The following WWC2 variants were observed in gnomAD, a reference collection of about 807,000 sequenced individuals.
WWC2 encodes WW and C2 domain containing 2.
Under a neutral mutation model 138.5 loss-of-function variants are expected in WWC2, and 101 were observed. The observed-to-expected ratio is 0.73, with a 90% CI of 0.62 to 0.86. The LOEUF is 0.86. Among genes scored for constraint, WWC2 ranks in the 40% least tolerant of loss-of-function variants. The pLI, the probability that WWC2 is intolerant of heterozygous loss-of-function variation, is 0.00. For missense variants in WWC2, 1,420 were observed against 1,419.4 expected, an observed-to-expected ratio of 1.00 and a Z score of -0.01; for synonymous variants, 558 against 538.4, an observed-to-expected ratio of 1.04 and a Z score of -0.50.
At chr4:183,180,577 C>G (rs992360405) in intron 1 of WWC2, among the ~76,000 whole-genome samples, 1 of 151,598 alleles carries the variant, frequency 6.6e-6, no homozygotes, top group Non-Finnish European at 1.5e-5. Context: ...GAAGTGGAAA[C>G]AATCCATATA....
chr4:183,122,186 A>G (rs1223124113), intron 1 of WWC2, among the ~76,000 whole-genome samples: 1 of 152,206 alleles, frequency 6.6e-6, no homozygotes, highest in Non-Finnish European at 1.5e-5. Flanking sequence ...TTATTTATGT[A>G]TTAGGCAAAT....
intron 8 of WWC2, among the ~76,000 whole-genome samples, chr4:183,252,505 C>A (rs532353139): frequency 3.2e-4 from 48 of 152,296 alleles, no homozygotes; most frequent in Non-Finnish European, 6.2e-4. Context: ...AAGCTCTAGA[C>A]ATAAGAGAAA....
At chr4:183,142,454 G>A (rs1467374451) in intron 1 of WWC2, among the ~76,000 whole-genome samples, 1 of 152,104 alleles carries the variant, frequency 6.6e-6, no homozygotes, top group African/African-American at 2.4e-5. Context: ...ATGGAGTAAT[G>A]GGTTGCTGAG....
At chr4:183,305,566 C>G (rs1308743064) in intron 21 of WWC2, among the ~76,000 whole-genome samples, 1 of 152,120 alleles carries the variant, frequency 6.6e-6, no homozygotes, top group Non-Finnish European at 1.5e-5. Flanking sequence ...ATATGTGACT[C>G]TTCCTGAGAA....
At chr4:183,167,746 G>A (rs778093120) in intron 1 of WWC2, among the ~76,000 whole-genome samples, 3 of 152,144 alleles carry the variant, frequency 2.0e-5, no homozygotes, top group Non-Finnish European at 4.4e-5. Flanking sequence ...TTGGGAACAG[G>A]AAAGGGAATC....
chr4:183,156,487 A>G (rs1733808526), intron 1 of WWC2, among the ~76,000 whole-genome samples: 2 of 151,944 alleles, frequency 1.3e-5, no homozygotes, highest in Admixed American at 6.6e-5. Flanking sequence ...ATATGCCACC[A>G]TGCCTGGCTA....
intron 4 of WWC2, among the ~76,000 whole-genome samples, chr4:183,214,350 G>C (rs552178275): frequency 6.6e-6 from 1 of 152,282 alleles, no homozygotes; most frequent in Admixed American, 6.5e-5. Context: ...TTAGCTATTT[G>C]TAATCTTGGA....
intron 17 of WWC2, 155 bp from the exon 18 acceptor site, chr4:183,282,552 TA>T (rs112895410): frequency 5.5e-6 from 4 of 723,208 alleles, no homozygotes; most frequent in African/African-American, 1.8e-5. Context: ...AGGATTTTTT[TA>T]AATGAGACAT....
At chr4:183,172,228 G>C (rs1272614997) in intron 1 of WWC2, among the ~76,000 whole-genome samples, 1 of 152,152 alleles carries the variant, frequency 6.6e-6, no homozygotes, top group Admixed American at 6.5e-5. Flanking sequence ...GCTGCACACT[G>C]TCATCCTATG....
chr4:183,101,827 G>T (rs751464112), intron 1 of WWC2, among the ~76,000 whole-genome samples: 3 of 152,040 alleles, frequency 2.0e-5, no homozygotes, highest in Non-Finnish European at 4.4e-5. Flanking sequence ...ATATACTATG[G>T]GTCTGCAGTA....
At chr4:183,229,881 A>C (rs1165981869) in intron 4 of WWC2, among the ~76,000 whole-genome samples, 4 of 152,028 alleles carry the variant, frequency 2.6e-5, no homozygotes, top group African/African-American at 7.3e-5. Flanking sequence ...GCTGGAGTGC[A>C]GCGGCTCAAT....
In WWC2 at chr4:183,239,154, A is replaced by G. The variant is rs538592749; in HGVS notation, c.523-1029A>G. On this transcript the variant is annotated intron_variant, in intron 4 of 22. Transcript: ENST00000403733. ...ACATGGTCAAACCCCATCTCTACTA[A>G]AAACACAAAAACTAGCCAGGCGTGG... Among the ~76,000 whole-genome samples, 152 of 152,208 alleles carry G rather than the reference A, an allele frequency of 1.0e-3. 2 individuals carry two copies. Among genetic ancestry groups the G allele is most frequent in the African/African-American group, 3.5e-3 (147 of 41,534 alleles).
chr4:183,212,246 C>T (rs773066332), intron 4 of WWC2, among the ~76,000 whole-genome samples: 5 of 152,076 alleles, frequency 3.3e-5, no homozygotes, highest in South Asian at 2.1e-4. Context: ...AAAGGTTTGT[C>T]TACACTTACT....
intron 16 of WWC2, among the ~76,000 whole-genome samples, chr4:183,279,011 CTG>C (rs1466875333): frequency 2.0e-5 from 3 of 151,876 alleles, no homozygotes; most frequent in African/African-American, 4.8e-5. Context: ...ACTTCCAACA[CTG>C]TGTTGAATAG....
intron 4 of WWC2, among the ~76,000 whole-genome samples, chr4:183,230,777 C>T (rs1322106508): frequency 1.3e-5 from 2 of 151,674 alleles, no homozygotes; most frequent in Non-Finnish European, 2.9e-5. Flanking sequence ...ACATATCTCT[C>T]AGCATTGACT....
chr4:183,296,292 T>C (rs375168192), intron 21 of WWC2, among the ~76,000 whole-genome samples: 3 of 152,220 alleles, frequency 2.0e-5, no homozygotes, highest in East Asian at 1.9e-4. Context: ...GGCACCCACA[T>C]GGCAGTACTC....
At chr4:183,292,060 G>C (rs892946954) in intron 21 of WWC2, among the ~76,000 whole-genome samples, 2 of 151,224 alleles carry the variant, frequency 1.3e-5, no homozygotes, top group Non-Finnish European at 2.9e-5. Context: ...ACTAGGCATG[G>C]TGGCATGCAC....
intron 22 of WWC2, among the ~76,000 whole-genome samples, chr4:183,312,822 C>A (rs1169349162): frequency 6.6e-6 from 1 of 152,174 alleles, no homozygotes; most frequent in Admixed American, 6.5e-5. Context: ...GCCCCAGAAA[C>A]CTTACACCTT....
intron 1 of WWC2, among the ~76,000 whole-genome samples, chr4:183,120,816 G>T (rs1472485593): frequency 6.6e-6 from 1 of 152,208 alleles, no homozygotes; most frequent in East Asian, 1.9e-4. Context: ...GAGTGCAGTG[G>T]TGCCATCATG....
Sources: allele counts gnomAD v4.1 joint callset (sites outside exome capture counted in the v4.1 genomes callset), GRCh38; gene constraint gnomAD v4.1.1; transcripts MANE v1.5; gene names NCBI Gene and HGNC (gene_info 2026-07-23, HGNC 2026-07-21).